CELF2: variants seen among roughly 807,000 people sequenced by gnomAD.
CELF2 encodes CUG triplet repeat RNA-binding protein 2.
Under a neutral mutation model 62.6 loss-of-function variants are expected in CELF2, and 8 were observed. The observed-to-expected ratio is 0.13, with a 90% CI of 0.07 to 0.23. The LOEUF is 0.23. Ranked by LOEUF, CELF2 falls within the 10% of genes least tolerant of loss-of-function variation. CELF2 has a pLI of 1.00. For synonymous variants in CELF2, 258 were observed against 250.0 expected (o/e 1.03, Z -0.30); for missense variants, 333 against 671.0 (o/e 0.50, Z 5.56).
chr10:10,545,122 G>A, the CELF2 span, among the ~76,000 whole-genome samples: 1 of 152,176 alleles, frequency 6.6e-6, no homozygotes, highest in African/African-American at 2.4e-5. Flanking sequence ...ACACTGACGA[G>A]GAAGACAAGG....
chr10:11,062,151 G>A (rs1187891851), intron 1 of CELF2, among the ~76,000 whole-genome samples: 2 of 150,046 alleles, frequency 1.3e-5, no homozygotes, highest in Non-Finnish European at 3.0e-5. Context: ...CTGCTCAGGG[G>A]GGGAAAAAAA....
intron 1 of CELF2, among the ~76,000 whole-genome samples, chr10:11,074,265 G>A (rs1228659326): frequency 6.6e-6 from 1 of 152,080 alleles, no homozygotes; most frequent in African/African-American, 2.4e-5. Context: ...ATCCCATGAG[G>A]GTGCTGAAAC....
chr10:10,998,842 C>T (rs1464827595), intron 2 of CELF2, among the ~76,000 whole-genome samples: 1 of 152,202 alleles, frequency 6.6e-6, no homozygotes, highest in Admixed American at 6.5e-5. Flanking sequence ...AAATCACCCT[C>T]CTGCTCCCAT....
intron 1 of CELF2, 52 bp downstream of exon 1, chr10:11,018,215 G>A: frequency 6.8e-7 from 1 of 1,464,446 alleles, no homozygotes; most frequent in Non-Finnish European, 9.1e-7. Context: ...TCCTCCCAGA[G>A]TCGGCGGCGC....
intron 2 of CELF2, among the ~76,000 whole-genome samples, chr10:11,215,159 C>A (rs1333972741): frequency 6.6e-6 from 1 of 152,162 alleles, no homozygotes; most frequent in African/African-American, 2.4e-5. Context: ...ATGTAAATAG[C>A]AGAAGGACTA....
intron 2 of CELF2, among the ~76,000 whole-genome samples, chr10:10,932,332 A>G (rs2066161671): frequency 6.6e-6 from 1 of 152,184 alleles, no homozygotes; most frequent in Non-Finnish European, 1.5e-5. Flanking sequence ...TGGGAGATCT[A>G]TTGTACAGCA....
At chr10:10,748,168 G>A in the CELF2 span, among the ~76,000 whole-genome samples, 25 of 152,186 alleles carry the variant, frequency 1.6e-4, no homozygotes, top group Non-Finnish European at 3.2e-4. Context: ...CAATAGCAGA[G>A]TAGGGTGACT....
At chr10:10,541,175 G>A in the CELF2 span, among the ~76,000 whole-genome samples, 158 of 150,044 alleles carry the variant, frequency 1.1e-3, no homozygotes, top group Middle Eastern at 3.5e-3. Flanking sequence ...CCCGGGAGGC[G>A]GAGCTTGCAG....
intron 10 of CELF2, chr10:11,317,763 G>A (rs532493255): frequency 6.6e-6 from 1 of 152,376 alleles, no homozygotes; most frequent in South Asian, 2.1e-4. Flanking sequence ...GGTCTCTATT[G>A]TAAGTTGAGG....
chr10:10,656,795 G>A, the CELF2 span, among the ~76,000 whole-genome samples: 706 of 143,178 alleles, frequency 4.9e-3, 2 homozygotes, highest in Admixed American at 0.02. Context: ...TGGGTGCAGC[G>A]CACCAGCATG....
At chr10:11,234,797 C>T (rs1189787184) in intron 3 of CELF2, among the ~76,000 whole-genome samples, 6 of 151,988 alleles carry the variant, frequency 3.9e-5, no homozygotes, top group Non-Finnish European at 5.9e-5. Context: ...CAGGTAGATC[C>T]GCCCTCCACA....
intron 1 of CELF2, among the ~76,000 whole-genome samples, chr10:10,825,041 T>C (rs895832491): frequency 2.0e-5 from 3 of 152,182 alleles, no homozygotes; most frequent in African/African-American, 7.2e-5. Flanking sequence ...GTCTTAATAG[T>C]TTCCAAAGAT....
At chr10:10,678,737 T>C in the CELF2 span, among the ~76,000 whole-genome samples, 1 of 152,158 alleles carries the variant, frequency 6.6e-6, no homozygotes, top group African/African-American at 2.4e-5. Flanking sequence ...AGAACTTGGA[T>C]AGGTGATTAA....
the CELF2 span, among the ~76,000 whole-genome samples, chr10:10,556,384 A>C: frequency 6.6e-6 from 1 of 152,156 alleles, no homozygotes; most frequent in East Asian, 1.9e-4. Flanking sequence ...ATGGCTGCAT[A>C]GTATTCCATG....
At chr10:11,170,172 T>C (rs1299722365) in intron 2 of CELF2, among the ~76,000 whole-genome samples, 1 of 152,002 alleles carries the variant, frequency 6.6e-6, no homozygotes, top group Non-Finnish European at 1.5e-5. Context: ...GCAAAGGAGA[T>C]TGTCAAAGTG....
At chr10:10,767,878 C>T in the CELF2 span, among the ~76,000 whole-genome samples, 2 of 137,898 alleles carry the variant, frequency 1.5e-5, no homozygotes, top group African/African-American at 5.6e-5. Flanking sequence ...CGCCTGTAGT[C>T]CCAGCTACTC....
chr10:11,301,668 T>G (rs1217025536), intron 9 of CELF2, among the ~76,000 whole-genome samples: 1 of 150,308 alleles, frequency 6.7e-6, no homozygotes, highest in Non-Finnish European at 1.5e-5. Context: ...CAGCCCTGCT[T>G]CTGAGCTGCA....
chr10:10,929,552 C>G (rs1297325192), intron 2 of CELF2: 2 of 152,200 alleles, frequency 1.3e-5, no homozygotes, highest in African/African-American at 2.4e-5. Context: ...TGCATATGAT[C>G]TAGAGCCAAA....
chr10:10,717,897 C>G, the CELF2 span, among the ~76,000 whole-genome samples: 1 of 152,026 alleles, frequency 6.6e-6, no homozygotes, highest in African/African-American at 2.4e-5. Flanking sequence ...TTGTTCCCAC[C>G]TTTCCCCAGG....
Sources: allele counts gnomAD v4.1 joint callset (sites outside exome capture counted in the v4.1 genomes callset), GRCh38; gene constraint gnomAD v4.1.1; transcripts MANE v1.5; gene names NCBI Gene and HGNC (gene_info 2026-07-23, HGNC 2026-07-21).